MFAP5: variants seen among roughly 807,000 people sequenced by gnomAD.
MFAP5 encodes microfibril associated protein 5.
Under a neutral mutation model 30.1 loss-of-function variants are expected in MFAP5, and 19 were observed. The ratio of observed to expected loss-of-function variants is 0.63; its 90% CI spans 0.44 to 0.93. The LOEUF is 0.93. Ranked by LOEUF, MFAP5 falls within the 40% of genes least tolerant of loss-of-function variation. The probability of loss-of-function intolerance (pLI) is 0.00; values close to 1 mark genes in which losing one functional copy is unlikely to be tolerated. For missense variants in MFAP5, 210 were observed against 221.3 expected, an observed-to-expected ratio of 0.95 and a Z score of 0.32; for synonymous variants, 92 against 72.9, an observed-to-expected ratio of 1.26 and a Z score of -1.33.
intron 6 of MFAP5, 81 bp downstream of exon 6, chr12:8,654,356 C>A: frequency 2.2e-6 from 3 of 1,360,838 alleles, no homozygotes; most frequent in Non-Finnish European, 3.0e-6. Flanking sequence ...GATCCTTCAG[C>A]AGCTGCACAC....
intron 7 of MFAP5, 76 bp downstream of exon 7, chr12:8,651,586 C>T: frequency 1.4e-6 from 2 of 1,403,526 alleles, no homozygotes; most frequent in Non-Finnish European, 2.0e-6. Context: ...TGCCAAGTAC[C>T]CTCCAAAGAA....
chr12:8,661,911 C>G (rs1487919511), intron 2 of MFAP5, 136 bp downstream of exon 2: 2 of 884,484 alleles, frequency 2.3e-6, no homozygotes, highest in Non-Finnish European at 3.6e-6. Flanking sequence ...ATCTGTTCTT[C>G]TAATAGGAAT....
chr12:8,649,114 T>C (rs775057542), intron 9 of MFAP5, among the ~76,000 whole-genome samples: 1 of 152,336 alleles, frequency 6.6e-6, no homozygotes, highest in Admixed American at 6.5e-5. Flanking sequence ...TGCGTGTGTA[T>C]GTTTTATTTT....
chr12:8,649,438 CA>C, intron 9 of MFAP5, 62 bp downstream of exon 9: 1 of 1,457,678 alleles, frequency 6.9e-7, no homozygotes, highest in Non-Finnish European at 9.6e-7. Flanking sequence ...ATAGTAATAT[CA>C]TGTCCCTATC....
intron 3 of MFAP5, among the ~76,000 whole-genome samples, chr12:8,657,794 G>C (rs1207615951): frequency 7.9e-5 from 12 of 151,706 alleles, no homozygotes; most frequent in Non-Finnish European, 1.5e-5. Flanking sequence ...CTGGTCTTGA[G>C]CTCCTGACCT....
intron 2 of MFAP5, 132 bp from the exon 3 acceptor site, chr12:8,661,030 A>C: frequency 3.1e-6 from 2 of 640,202 alleles, no homozygotes; most frequent in Non-Finnish European, 5.1e-6. Context: ...TATATAGCTC[A>C]ATATAAAATT....
At chr12:8,660,195 T>G (rs748346680) in intron 3 of MFAP5, among the ~76,000 whole-genome samples, 1 of 151,514 alleles carries the variant, frequency 6.6e-6, no homozygotes, top group African/African-American at 2.4e-5. Context: ...TTTCTAATTT[T>G]TTTTTTTTTT....
intron 9 of MFAP5, chr12:8,648,541 C>A: frequency 7.8e-7 from 1 of 1,286,744 alleles, no homozygotes; most frequent in Non-Finnish European, 1.0e-6. Flanking sequence ...GCTGCCAATT[C>A]TTCTAATCAT....
At chr12:8,655,472 GA>G in intron 4 of MFAP5, 25 bp from the exon 5 acceptor site, 3 of 1,600,802 alleles carry the variant, frequency 1.9e-6, no homozygotes, top group Admixed American at 3.5e-5. Flanking sequence ...AACAAGGAAT[GA>G]AAAAATGCAG....
chr12:8,662,018 G>T, intron 2 of MFAP5, 29 bp downstream of exon 2: 1 of 1,606,712 alleles, frequency 6.2e-7, no homozygotes, highest in Non-Finnish European at 8.5e-7. Flanking sequence ...GGAGCTGAGG[G>T]TTTAGGGAGC....
At position 8,662,002 on chromosome 12, in the gene MFAP5, A is replaced by G. The variant is rs750913134; in HGVS notation, c.58+45T>C. ...CCCATCTCCTGCCACACACGTGTATAGCTGAGGAGCTGAGGGTTTAGGGAG... is the reference window on the plus strand; with the variant it reads ...CCCATCTCCTGCCACACACGTGTATGGCTGAGGAGCTGAGGGTTTAGGGAG... On this transcript the variant is annotated intron_variant, in intron 2 of 9. Transcript: ENST00000359478. 1.3e-5 allele frequency: 21 copies of G among 1,563,932 alleles called. No individual in the cohort carries two copies. In the Admixed American group the frequency reaches 2.2e-4, roughly 16 times the overall value.
At chr12:8,655,567 C>T in intron 4 of MFAP5, 120 bp from the exon 5 acceptor site, 1 of 1,118,508 alleles carries the variant, frequency 8.9e-7, no homozygotes, top group Non-Finnish European at 1.3e-6. Context: ...AGCCTGTGGA[C>T]TCGGGCAGAT....
At position 8,647,192 on chromosome 12, in the gene MFAP5, C is replaced by T. The variant is rs1226802772; in HGVS notation, c.*899G>A. The T allele has an allele frequency of 6.6e-6, 1 of 152,148 alleles. No homozygotes were observed. Among genetic ancestry groups the T allele is most frequent in the Non-Finnish European group, 1.5e-5 (1 of 68,036 alleles). The allele number at this position is 152,148 out of a possible 1,614,324, so 9.4% of individuals were successfully genotyped here. A position where few individuals can be genotyped will look rare whatever the true frequency, so the allele number is the denominator to read the frequency against. ...TCCAAAAGCCACTTGCACAATAATTCGACCGTGCACTTGTTAAGTTGTGAA... is the reference window on the plus strand; with the variant it reads ...TCCAAAAGCCACTTGCACAATAATTTGACCGTGCACTTGTTAAGTTGTGAA... On this transcript the variant is annotated 3_prime_UTR_variant, in exon 10 of 10. Transcript: ENST00000359478.
rs1268100031 is a variant in MFAP5 at position 8,656,591 on chromosome 12, TACACAC to T, written c.95-767_95-762del. Among the ~76,000 whole-genome samples, 361 of 130,786 alleles carry T rather than the reference TACACAC, an allele frequency of 2.8e-3. 2 individuals are homozygous for T. The highest frequency in any genetic ancestry group is 0.011 in the African/African-American group (353 of 31,562). The allele number at this position is 130,786 out of a possible 152,430, so 85.8% of individuals were successfully genotyped here. Reference sequence around the variant, plus strand: ...CCTGGCTAATATATATATATATATATACACACACACACACACACATATATATACACA... The same window carrying T: ...CCTGGCTAATATATATATATATATATACACACACACACATATATATACACA... On this transcript the variant is annotated intron_variant, in intron 3 of 9. Transcript: ENST00000359478.
intron 9 of MFAP5, 106 bp from the exon 10 acceptor site, chr12:8,648,309 G>C (rs776693086): frequency 1.7e-5 from 17 of 1,011,232 alleles, no homozygotes; most frequent in Non-Finnish European, 2.3e-5. Context: ...GAAAAGGTTG[G>C]AGAGAAAAAG....
chr12:8,659,135 C>G (rs34978963), intron 3 of MFAP5, among the ~76,000 whole-genome samples: 10,324 of 151,806 alleles, frequency 0.068, 436 homozygotes, highest in Non-Finnish European at 0.083. Context: ...ACGGTGAAAC[C>G]CTGTCTCTAC....
intron 2 of MFAP5, 123 bp from the exon 3 acceptor site, chr12:8,661,021 A>G (rs1565529366): frequency 4.4e-6 from 3 of 675,236 alleles, no homozygotes; most frequent in Non-Finnish European, 4.8e-6. Context: ...ACTTATTCCT[A>G]TATAGCTCAA....
At chr12:8,650,429 T>C in intron 8 of MFAP5, 73 bp downstream of exon 8, 3 of 1,452,516 alleles carry the variant, frequency 2.1e-6, no homozygotes, top group Non-Finnish European at 2.9e-6. Flanking sequence ...CCATAGTGGG[T>C]GCTCATTAAA....
intron 3 of MFAP5, among the ~76,000 whole-genome samples, chr12:8,657,030 T>C (rs1302230737): frequency 6.6e-6 from 1 of 152,064 alleles, no homozygotes; most frequent in Non-Finnish European, 1.5e-5. Context: ...ATTATACACA[T>C]ACAAAAAAGG....
Sources: allele counts gnomAD v4.1 joint callset (sites outside exome capture counted in the v4.1 genomes callset), GRCh38; gene constraint gnomAD v4.1.1; transcripts MANE v1.5; gene names NCBI Gene and HGNC (gene_info 2026-07-23, HGNC 2026-07-21).